Variants in SLC35G1 observed in about 807,000 individuals in gnomAD.
SLC35G1 encodes partner of STIM1.
In SLC35G1, 10 loss-of-function variants were observed where a neutral mutation model predicts 17.1. The observed-to-expected ratio is 0.59, with a 90% CI of 0.36 to 0.99. The LOEUF is 0.99. Ranked by LOEUF, SLC35G1 falls within the 50% of genes least tolerant of loss-of-function variation. The probability of loss-of-function intolerance (pLI) is 0.01; values close to 1 mark genes in which losing one functional copy is unlikely to be tolerated. For missense variants in SLC35G1, 433 were observed against 468.4 expected, an observed-to-expected ratio of 0.92 and a Z score of 0.70; for synonymous variants, 185 against 181.1, an observed-to-expected ratio of 1.02 and a Z score of -0.18.
rs1308239267 is a variant in SLC35G1, at chr10:93,900,623, T to C, written c.360-129T>C. ...AGTATATAATATTCATTTGTGGATA[T>C]TATAATTAATTTACTATTCCCTCAT... is the stretch of plus-strand genomic sequence containing the variant. On this transcript the variant is annotated intron_variant, in intron 2 of 2. Transcript: ENST00000427197. 3 of 740,174 alleles carry C rather than the reference T, an allele frequency of 4.1e-6. No homozygotes were observed. In the African/African-American group the frequency reaches 5.3e-5, roughly 13 times the overall value. 45.9% of individuals were successfully genotyped at this position (740,174 alleles called of 1,614,324 possible). A position where few individuals can be genotyped will look rare whatever the true frequency, so the allele number is the denominator to read the frequency against.
chr10:93,909,191 G>A (rs560547202), exon 3 of SLC35G1: 4 of 152,286 alleles, frequency 2.6e-5, no homozygotes, highest in African/African-American at 9.6e-5. Context: ...CAACAAGCCT[G>A]TTTATTTTCA....
intron 1 of SLC35G1, among the ~76,000 whole-genome samples, chr10:93,894,821 A>G (rs1422616418): frequency 6.6e-6 from 1 of 152,206 alleles, no homozygotes; most frequent in East Asian, 1.9e-4. Flanking sequence ...ACCCCTCGTG[A>G]AGAACACTTT....
chr10:93,901,151 G>A lies in SLC35G1; in HGVS notation c.759G>A (p.Leu253=), dbSNP rs1381652218. ...TGGGAAAATCTGTGGACTACTTTCT[G>A]AGCATTTGGTATTATGTAGTACTTG... is the stretch of plus-strand genomic sequence containing the variant. ...RKMGKSVDYF[L]SIWYYVVLGL... The change falls in exon 3 of 3, where the codon CTG becomes CTA. Residue 253 remains leucine (L), a synonymous_variant. Coordinates refer to ENST00000427197, the MANE Select transcript of SLC35G1 (RefSeq NM_001134658.3). The A allele has an allele frequency of 6.2e-7, 1 of 1,613,990 alleles. No homozygotes were observed. The highest frequency in any genetic ancestry group is 8.5e-7 in the Non-Finnish European group (1 of 1,179,984).
exon 3 of SLC35G1, chr10:93,909,529 C>G (rs1424761862): frequency 3.9e-5 from 6 of 151,926 alleles, no homozygotes; most frequent in East Asian, 3.9e-4. Flanking sequence ...CTTTGGTACC[C>G]TAGGCAGATG....
downstream of SLC35G1, among the ~76,000 whole-genome samples, chr10:93,904,960 G>A (rs937942261): frequency 6.6e-6 from 1 of 152,150 alleles, no homozygotes; most frequent in Non-Finnish European, 1.5e-5. Context: ...GCCCCCTCCT[G>A]CTAGCACAGA....
At position 93,902,759 on chromosome 10, in the gene SLC35G1, C is replaced by A. The variant is rs983983389; in HGVS notation, c.*1269C>A. On this transcript the variant is annotated 3_prime_UTR_variant, in exon 3 of 3. Transcript: ENST00000427197. ...AGTTTATCAGCATGATGTTAAATGT[C>A]AGTGCCATACCATGATGCAGCACCA... 2 of 152,692 alleles carry A rather than the reference C, an allele frequency of 1.3e-5. No individual in the cohort carries two copies. The highest frequency in any genetic ancestry group is 2.4e-5 in the African/African-American group (1 of 41,552). The allele number at this position is 152,692 out of a possible 1,614,324, so 9.5% of individuals were successfully genotyped here.
chr10:93,905,511 A>C (rs941644679), downstream of SLC35G1, among the ~76,000 whole-genome samples: 1 of 152,174 alleles, frequency 6.6e-6, no homozygotes, highest in African/African-American at 2.4e-5. Context: ...TTGAACATTA[A>C]GTTTGGAGCT....
rs1052436823 is a variant in SLC35G1, at chr10:93,894,006, C to T, written c.-28C>T. On this transcript the variant is annotated 5_prime_UTR_variant, in exon 1 of 3. Transcript: ENST00000427197. ...CGCTGCTGCTGGCGCCAGACGGCAC[C>T]GGCCGCTGGTAGAGCGCGTGCCGCG... 16 of 1,359,644 alleles carry T rather than the reference C, an allele frequency of 1.2e-5. No individual in the cohort carries two copies. In the Admixed American group the frequency reaches 3.8e-4, roughly 32 times the overall value. 84.2% of individuals were successfully genotyped at this position (1,359,644 alleles called of 1,614,324 possible). A position where few individuals can be genotyped will look rare whatever the true frequency, so the allele number is the denominator to read the frequency against.
intron 2 of SLC35G1, among the ~76,000 whole-genome samples, chr10:93,899,510 C>G (rs749210038): frequency 2.0e-5 from 3 of 152,140 alleles, no homozygotes; most frequent in Non-Finnish European, 2.9e-5. Flanking sequence ...ACCCTGAGAG[C>G]GAGACCAGTT....
In SLC35G1 at chr10:93,901,512, AT is replaced by A; in HGVS notation, c.*29del. 2.6e-6 allele frequency: 4 copies of A among 1,556,810 alleles called. No homozygotes were observed. The highest frequency in any genetic ancestry group is 3.5e-6 in the Non-Finnish European group (4 of 1,154,058). ...ATGAAGCATCATTGCTGAAATACAT[AT>A]TTTTTTCAAGTACACCATCACCTAA... is the stretch of plus-strand genomic sequence containing the variant. On this transcript the variant is annotated 3_prime_UTR_variant, in exon 3 of 3. Coordinates refer to ENST00000427197, the MANE Select transcript of SLC35G1 (RefSeq NM_001134658.3).
chr10:93,901,592 G>T lies in SLC35G1; in HGVS notation c.*102G>T. ...AAAATCTGCATTTTCTTCATTGGTTGTATTTAATAAATTGCCTAAAGTACC... is the reference window on the plus strand; with the variant it reads ...AAAATCTGCATTTTCTTCATTGGTTTTATTTAATAAATTGCCTAAAGTACC... On this transcript the variant is annotated 3_prime_UTR_variant, in exon 3 of 3. Coordinates refer to ENST00000427197, the MANE Select transcript of SLC35G1 (RefSeq NM_001134658.3). 2 of 1,317,652 alleles carry T rather than the reference G, an allele frequency of 1.5e-6. No individual in the cohort carries two copies. The highest frequency in any genetic ancestry group is 2.0e-6 in the Non-Finnish European group (2 of 999,586). 81.6% of individuals were successfully genotyped at this position (1,317,652 alleles called of 1,614,324 possible). A position where few individuals can be genotyped will look rare whatever the true frequency, so the allele number is the denominator to read the frequency against.
chr10:93,899,309 T>TA (rs1458425613), intron 2 of SLC35G1, among the ~76,000 whole-genome samples: 1 of 152,108 alleles, frequency 6.6e-6, no homozygotes, highest in African/African-American at 2.4e-5. Flanking sequence ...AAGGGTCAAA[T>TA]AAGATTTATT....
At chr10:93,908,986 G>A (rs994735124) in exon 3 of SLC35G1, 1 of 152,218 alleles carries the variant, frequency 6.6e-6, no homozygotes, top group Non-Finnish European at 1.5e-5. Context: ...GAGTGACTCT[G>A]GCAGGCTTGC....
chr10:93,897,709 C>T (rs1478325247), intron 1 of SLC35G1, among the ~76,000 whole-genome samples: 6 of 152,186 alleles, frequency 3.9e-5, no homozygotes, highest in Non-Finnish European at 8.8e-5. Context: ...CACAGATTGT[C>T]ATTAATGACT....
intron 1 of SLC35G1, among the ~76,000 whole-genome samples, chr10:93,898,313 A>T (rs2134066480): frequency 6.6e-6 from 1 of 152,302 alleles, no homozygotes; most frequent in African/African-American, 2.4e-5. Flanking sequence ...GTAAGTGAGG[A>T]TGATTCTTCA....
downstream of SLC35G1, chr10:93,908,115 A>G (rs912210021): frequency 6.6e-5 from 10 of 152,174 alleles, no homozygotes; most frequent in East Asian, 5.8e-4. Flanking sequence ...TAATAGGACT[A>G]TATCCTCCAA....
At chr10:93,900,703 A>C in intron 2 of SLC35G1, 49 bp from the exon 3 acceptor site, 1 of 1,428,308 alleles carries the variant, frequency 7.0e-7, no homozygotes, top group Middle Eastern at 1.9e-4. Context: ...GTAATTTAAA[A>C]ACAAATATTA....
chr10:93,897,660 A>G (rs1589799993), intron 1 of SLC35G1, among the ~76,000 whole-genome samples: 1 of 152,336 alleles, frequency 6.6e-6, no homozygotes, highest in East Asian at 1.9e-4. Flanking sequence ...TGTGTAGGAA[A>G]CTAAGACATA....
chr10:93,898,147 C>G (rs1288237546), intron 1 of SLC35G1, among the ~76,000 whole-genome samples: 3 of 152,164 alleles, frequency 2.0e-5, no homozygotes, highest in Admixed American at 6.5e-5. Flanking sequence ...CAATTATAAC[C>G]CATTTTCCAG....
Sources: gnomAD v4.1 joint callset for allele counts (sites outside exome capture counted in the v4.1 genomes callset) on GRCh38, gnomAD v4.1.1 for gene constraint, MANE v1.5 for transcripts, NCBI Gene and HGNC (gene_info 2026-07-23, HGNC 2026-07-21) for gene names.